Variants in TBXAS1 observed in about 807,000 individuals in gnomAD.
The protein encoded by TBXAS1 is thromboxane A synthase 1, also known as thromboxane-A synthase.
A neutral mutation model predicts 60.7 loss-of-function variants in TBXAS1; 48 were observed. The ratio of observed to expected loss-of-function variants is 0.79; its 90% CI spans 0.63 to 1.01. The LOEUF is 1.01. Among genes scored for constraint, TBXAS1 ranks in the 50% least tolerant of loss-of-function variants. TBXAS1 has a pLI of 0.00. For synonymous variants in TBXAS1, 287 were observed against 269.7 expected (o/e 1.06, Z -0.63); for missense variants, 685 against 686.3 (o/e 1.00, Z 0.02).
At chr7:139,780,429 A>G (rs1239123918) in intron 1 of TBXAS1, among the ~76,000 whole-genome samples, 1 of 152,244 alleles carries the variant, frequency 6.6e-6, no homozygotes, top group East Asian at 1.9e-4. Flanking sequence ...AAGGACAGAA[A>G]CCATGTTTTT....
At chr7:139,858,454 A>C (rs1157022966) in intron 1 of TBXAS1, among the ~76,000 whole-genome samples, 1 of 152,238 alleles carries the variant, frequency 6.6e-6, no homozygotes, top group Admixed American at 6.5e-5. Context: ...GCATGTATTT[A>C]AACTGGGACT....
chr7:139,832,635 A>T (rs1798783284), intron 1 of TBXAS1, among the ~76,000 whole-genome samples: 1 of 152,240 alleles, frequency 6.6e-6, no homozygotes, highest in South Asian at 2.1e-4. Context: ...TCGCAAAAAG[A>T]TCTTTGCCTA....
At chr7:139,957,534 C>G (rs1809962230) in intron 7 of TBXAS1, 100 bp from the exon 8 acceptor site, 2 of 1,562,596 alleles carry the variant, frequency 1.3e-6, no homozygotes, top group Admixed American at 3.4e-5. Flanking sequence ...CAAAACGGCT[C>G]CGATTCCAGG....
intron 4 of TBXAS1, among the ~76,000 whole-genome samples, chr7:139,927,715 A>C (rs1199650774): frequency 5.3e-5 from 8 of 152,176 alleles, no homozygotes; most frequent in Non-Finnish European, 8.8e-5. Flanking sequence ...TCCAGACTAC[A>C]GGTCTTTTGT....
chr7:140,006,447 C>G (rs780780869), intron 9 of TBXAS1, among the ~76,000 whole-genome samples: 1 of 152,196 alleles, frequency 6.6e-6, no homozygotes, highest in Non-Finnish European at 1.5e-5. Context: ...CTAATCTGAC[C>G]TGTGCAAATG....
intron 12 of TBXAS1, among the ~76,000 whole-genome samples, chr7:140,018,820 G>A (rs1180611502): frequency 6.6e-6 from 1 of 152,220 alleles, no homozygotes; most frequent in Non-Finnish European, 1.5e-5. Flanking sequence ...CCAGGCGCAT[G>A]ACAGGTGCTC....
rs772010102 is a variant in TBXAS1, at chr7:139,975,971, C to G, written c.1134+13738C>G. On this transcript the variant is annotated intron_variant, in intron 9 of 12. Coordinates refer to ENST00000448866, the MANE Select transcript of TBXAS1 (RefSeq NM_001061.7). This position sits in a 1 kb window ranked among gnomAD's most constrained non-coding sequence, Gnocchi z 4.4. ...ACTCTGCTTCGTGCCTTTCTCACTT[C>G]CATTTGTAAATGATCTTGTCTCCTT... 1.3e-5 allele frequency among the ~76,000 whole-genome samples: 2 copies of G among 152,224 alleles called. No individual in the cohort carries two copies. The highest frequency in any genetic ancestry group is 4.8e-5 in the African/African-American group (2 of 41,454).
chr7:139,880,361 A>C (rs1802605988), intron 3 of TBXAS1, among the ~76,000 whole-genome samples: 1 of 152,188 alleles, frequency 6.6e-6, no homozygotes, highest in South Asian at 2.1e-4. Context: ...TGGCACCTGC[A>C]TCCCTGGATC....
At chr7:139,950,505 A>G (rs909209537) in intron 5 of TBXAS1, among the ~76,000 whole-genome samples, 11 of 152,130 alleles carry the variant, frequency 7.2e-5, no homozygotes, top group African/African-American at 2.7e-4. Context: ...ATGCTCTGCT[A>G]TCTCTCCACT....
At chr7:139,808,555 C>T (rs1400334127) in intron 4 of TBXAS1, among the ~76,000 whole-genome samples, 2 of 152,128 alleles carry the variant, frequency 1.3e-5, no homozygotes, top group African/African-American at 4.8e-5. Context: ...TTCCTGAACA[C>T]TTAGCGAGCA....
chr7:139,944,707 T>A (rs1254012754), intron 5 of TBXAS1, among the ~76,000 whole-genome samples: 1 of 152,184 alleles, frequency 6.6e-6, no homozygotes, highest in Non-Finnish European at 1.5e-5. Context: ...CTGTGGCTCT[T>A]TTGAGTCCCT....
chr7:139,846,809 C>T (rs1252232169), intron 1 of TBXAS1, among the ~76,000 whole-genome samples: 4 of 152,072 alleles, frequency 2.6e-5, no homozygotes, highest in Non-Finnish European at 4.4e-5. Flanking sequence ...GCTGAAGTGT[C>T]TTCGGGGGTG....
Position 140,015,707 on chromosome 7 carries a change from C to G in TBXAS1, c.1227-16C>G, listed in dbSNP as rs761872489. ...TCTCTTCTCTGTATCCACCCCCGAC[C>G]TGGTGTTTCCCTCAGATTCACACGG... is the stretch of plus-strand genomic sequence containing the variant. On this transcript the variant is annotated splice_polypyrimidine_tract_variant and intron_variant, in intron 10 of 12. Transcript: ENST00000448866. 6.2e-7 allele frequency: 1 copy of G among 1,612,736 alleles called. No homozygotes were observed. The highest frequency in any genetic ancestry group is 8.5e-7 in the Non-Finnish European group (1 of 1,179,978).
At chr7:139,934,505 C>A (rs1807587582) in intron 4 of TBXAS1, among the ~76,000 whole-genome samples, 1 of 152,074 alleles carries the variant, frequency 6.6e-6, no homozygotes, top group Non-Finnish European at 1.5e-5. Flanking sequence ...CTTTTTCATT[C>A]AACATGGTAT....
At chr7:139,919,477 G>A (rs897069417) in intron 4 of TBXAS1, among the ~76,000 whole-genome samples, 2 of 152,188 alleles carry the variant, frequency 1.3e-5, no homozygotes, top group African/African-American at 4.8e-5. Context: ...TTTCAGAACT[G>A]TTGATCATCT....
chr7:139,852,327 A>G lies in TBXAS1; in HGVS notation c.90-19908A>G, dbSNP rs1800275349. On this transcript the variant is annotated intron_variant, in intron 1 of 12. Coordinates refer to ENST00000448866, the MANE Select transcript of TBXAS1 (RefSeq NM_001061.7). This position sits in a 1 kb window ranked among gnomAD's most constrained non-coding sequence, Gnocchi z 4.4. ...GATTATAAGTTGCAGGGAGCAGGCA[A>G]GAGGCCAAACCCAGAAAAGTGGTCT... 6.6e-6 allele frequency among the ~76,000 whole-genome samples: 1 copy of G among 152,242 alleles called. No homozygotes were observed. Among genetic ancestry groups the G allele is most frequent in the Admixed American group, 6.5e-5 (1 of 15,286 alleles).
chr7:139,911,236 G>A lies in TBXAS1; in HGVS notation c.248G>A (p.Gly83Asp). Residue 83 changes from glycine (G) to aspartate (D), a missense_variant, in exon 4 of 13, where the codon GGT becomes GAT. By Grantham distance (94) the Gly-to-Asp change is moderately conservative (BLOSUM62 -1). Transcript: ENST00000448866. ...TTTATTCCTCCCAGGTACTATCTTG[G>A]TCGTCGGATGTTTATTGTTATTTCT... ...LYGPLCGYYL[G>D]RRMFIVISEP... 1.2e-6 allele frequency: 2 copies of A among 1,614,018 alleles called. No individual in the cohort carries two copies.
intron 4 of TBXAS1, among the ~76,000 whole-genome samples, chr7:139,824,153 T>C (rs1458590974): frequency 6.6e-6 from 1 of 152,038 alleles, no homozygotes; most frequent in Non-Finnish European, 1.5e-5. Flanking sequence ...GAAACACAAG[T>C]CTGAAGTCAA....
chr7:139,942,617 T>C (rs974673950), intron 5 of TBXAS1, among the ~76,000 whole-genome samples: 22 of 152,222 alleles, frequency 1.4e-4, no homozygotes, highest in African/African-American at 4.1e-4. Context: ...TGGTACCCCA[T>C]TGAGCAGATA....
Sources: allele counts gnomAD v4.1 joint callset (sites outside exome capture counted in the v4.1 genomes callset), GRCh38; gene constraint gnomAD v4.1.1; non-coding constraint Gnocchi (gnomAD v3.1); transcripts MANE v1.5; gene names NCBI Gene and HGNC (gene_info 2026-07-23, HGNC 2026-07-21).